The following FRMD6 variants were observed in gnomAD, a reference collection of about 807,000 sequenced individuals.
FRMD6 encodes the protein FERM domain containing 6.
Under a neutral mutation model 73.2 loss-of-function variants are expected in FRMD6, and 37 were observed. The observed-to-expected ratio is 0.51, with a 90% CI of 0.39 to 0.66. The LOEUF (loss-of-function observed/expected upper bound fraction) is 0.66, where lower values mean the gene tolerates loss of function less well. Ranked by LOEUF, FRMD6 falls within the 30% of genes least tolerant of loss-of-function variation. The pLI is 0.00. For synonymous variants in FRMD6, 273 were observed against 282.2 expected (o/e 0.97, Z 0.33); for missense variants, 714 against 780.5 (o/e 0.91, Z 1.02).
intron 2 of FRMD6, among the ~76,000 whole-genome samples, chr14:51,604,636 T>C (rs1000796122): frequency 6.6e-6 from 1 of 152,186 alleles, no homozygotes; most frequent in East Asian, 1.9e-4. Flanking sequence ...GAAAGTTCTA[T>C]GGCCCATTGT....
chr14:51,477,064 G>A, the FRMD6 span, among the ~76,000 whole-genome samples: 111 of 152,286 alleles, frequency 7.3e-4, no homozygotes, highest in African/African-American at 2.6e-3. Context: ...CAAAATACTA[G>A]AAACAATGTT....
At chr14:51,420,006 G>T in the FRMD6 span, among the ~76,000 whole-genome samples, 1 of 133,392 alleles carries the variant, frequency 7.5e-6, no homozygotes, top group Non-Finnish European at 1.8e-5. Context: ...CCCTCGTTAG[G>T]TGTAGTCATG....
At chr14:51,665,003 A>G (rs1893476766) in intron 1 of FRMD6, among the ~76,000 whole-genome samples, 1 of 152,212 alleles carries the variant, frequency 6.6e-6, no homozygotes, top group Non-Finnish European at 1.5e-5. Flanking sequence ...GTCACTTGTC[A>G]GTGACTACAG....
At chr14:51,503,781 A>G (rs962063159) in intron 1 of FRMD6, among the ~76,000 whole-genome samples, 20 of 150,142 alleles carry the variant, frequency 1.3e-4, no homozygotes, top group African/African-American at 4.7e-4. Context: ...TTATTAGAAT[A>G]GTTTCAGTAG....
At chr14:51,704,511 C>T (rs995288603) in intron 5 of FRMD6, 18 of 463,082 alleles carry the variant, frequency 3.9e-5, no homozygotes, top group African/African-American at 3.5e-4. Context: ...TGCTGTAAGC[C>T]TTAGGAAACG....
intron 1 of FRMD6, among the ~76,000 whole-genome samples, chr14:51,665,456 T>C (rs1265307931): frequency 1.3e-5 from 2 of 152,200 alleles, no homozygotes; most frequent in South Asian, 2.1e-4. Context: ...GTTCTTCCCA[T>C]TGTCCTGTCT....
intron 1 of FRMD6, among the ~76,000 whole-genome samples, chr14:51,567,408 G>A (rs1887835713): frequency 1.3e-5 from 2 of 152,124 alleles, no homozygotes; most frequent in South Asian, 4.1e-4. Flanking sequence ...GTACAGTGGA[G>A]GCATCATAGC....
the FRMD6 span, among the ~76,000 whole-genome samples, chr14:51,477,278 C>T: frequency 1.4e-4 from 22 of 152,134 alleles, no homozygotes; most frequent in Non-Finnish European, 2.6e-4. Flanking sequence ...ACCCTGAAGG[C>T]TAAAACACCA....
At chr14:51,653,781 T>C (rs1892609916) in intron 1 of FRMD6, among the ~76,000 whole-genome samples, 1 of 152,220 alleles carries the variant, frequency 6.6e-6, no homozygotes, top group Non-Finnish European at 1.5e-5. Flanking sequence ...CTTCACAATA[T>C]GAGACAGCTG....
chr14:51,630,409 G>A (rs535035936), intron 2 of FRMD6, among the ~76,000 whole-genome samples: 2 of 152,218 alleles, frequency 1.3e-5, no homozygotes, highest in South Asian at 2.1e-4. Context: ...CTAGTTCGAA[G>A]TTGGATTTTA....
chr14:51,417,333 T>C, the FRMD6 span, among the ~76,000 whole-genome samples: 2 of 152,308 alleles, frequency 1.3e-5, no homozygotes, highest in East Asian at 3.9e-4. Flanking sequence ...AGGAGCTCTT[T>C]TAGGGCAGGC....
the FRMD6 span, among the ~76,000 whole-genome samples, chr14:51,421,144 C>T: frequency 2.0e-4 from 31 of 152,288 alleles, no homozygotes; most frequent in South Asian, 4.1e-4. Flanking sequence ...CAATCCCCTA[C>T]AGATACTGAG....
chr14:51,583,214 T>A (rs769225383), intron 2 of FRMD6, among the ~76,000 whole-genome samples: 1 of 152,202 alleles, frequency 6.6e-6, no homozygotes, highest in Non-Finnish European at 1.5e-5. Flanking sequence ...ATTTGTGTCA[T>A]AATTCTCTTT....
intron 1 of FRMD6, among the ~76,000 whole-genome samples, chr14:51,503,978 G>A (rs1883785250): frequency 6.6e-6 from 1 of 152,066 alleles, no homozygotes; most frequent in Non-Finnish European, 1.5e-5. Flanking sequence ...ATGTGTCCAG[G>A]AATGTATCCA....
the FRMD6 span, among the ~76,000 whole-genome samples, chr14:51,432,853 G>T: frequency 6.6e-6 from 1 of 152,280 alleles, no homozygotes; most frequent in East Asian, 1.9e-4. Context: ...AGGGGGCAGG[G>T]CCTATCCTGG....
chr14:51,696,786 T>A (rs1566573708), intron 2 of FRMD6, among the ~76,000 whole-genome samples: 1 of 151,422 alleles, frequency 6.6e-6, no homozygotes, highest in East Asian at 1.9e-4. Flanking sequence ...ACTCTGTCTT[T>A]AAAAAAAAGT....
intron 1 of FRMD6, among the ~76,000 whole-genome samples, chr14:51,501,190 G>A (rs1013428569): frequency 2.6e-5 from 4 of 152,166 alleles, no homozygotes; most frequent in Non-Finnish European, 5.9e-5. Context: ...CATTTGGGGT[G>A]TTATGTCATT....
the FRMD6 span, among the ~76,000 whole-genome samples, chr14:51,460,393 A>G: frequency 6.6e-6 from 1 of 152,144 alleles, no homozygotes; most frequent in South Asian, 2.1e-4. Context: ...GTCTTTGGTT[A>G]TTTTCAATAT....
At chr14:51,502,909 C>A in intron 1 of FRMD6, among the ~76,000 whole-genome samples, 1 of 152,194 alleles carries the variant, frequency 6.6e-6, no homozygotes, top group East Asian at 1.9e-4. Context: ...AGAGGTCCTT[C>A]ACATCTCTTG....
Sources: allele counts gnomAD v4.1 joint callset (sites outside exome capture counted in the v4.1 genomes callset), GRCh38; gene constraint gnomAD v4.1.1; transcripts MANE v1.5; gene names NCBI Gene and HGNC (gene_info 2026-07-23, HGNC 2026-07-21).